Variants in HHAT observed in about 807,000 individuals in gnomAD.
HHAT encodes the protein hedgehog acyltransferase.
In HHAT, 47 loss-of-function variants were observed where a neutral mutation model predicts 70.8. The ratio of observed to expected loss-of-function variants is 0.66; its 90% CI spans 0.53 to 0.85. HHAT has a LOEUF of 0.85. Among genes scored for constraint, HHAT ranks in the 40% least tolerant of loss-of-function variants. HHAT has a pLI of 0.00. For missense variants in HHAT, 609 were observed against 604.8 expected (o/e 1.01, Z -0.07); for synonymous variants, 228 against 247.6 (o/e 0.92, Z 0.74).
intron 8 of HHAT, among the ~76,000 whole-genome samples, chr1:210,481,487 TG>T (rs1306118024): frequency 6.6e-6 from 1 of 152,108 alleles, no homozygotes; most frequent in African/African-American, 2.4e-5. Flanking sequence ...TTACTGTGCT[TG>T]GGGGTCACTT....
At chr1:210,477,719 G>A (rs560516450) in intron 8 of HHAT, among the ~76,000 whole-genome samples, 138 of 152,266 alleles carry the variant, frequency 9.1e-4, no homozygotes, top group Admixed American at 1.4e-3. Context: ...TATCCTACAG[G>A]TGGCGCCTGG....
At chr1:210,539,240 C>CA (rs377158339) in intron 9 of HHAT, among the ~76,000 whole-genome samples, 4 of 151,908 alleles carry the variant, frequency 2.6e-5, no homozygotes, top group Admixed American at 1.3e-4. Context: ...TACCTCAGGC[C>CA]AAAAAAACAG....
intron 9 of HHAT, among the ~76,000 whole-genome samples, chr1:210,572,273 G>A (rs1243566277): frequency 1.3e-5 from 2 of 152,110 alleles, no homozygotes; most frequent in Admixed American, 6.5e-5. Context: ...ATTTCAGTCC[G>A]GAGAGGGAGC....
chr1:210,335,131 A>G (rs893382300), intron 1 of HHAT, among the ~76,000 whole-genome samples: 2 of 152,222 alleles, frequency 1.3e-5, no homozygotes, highest in East Asian at 1.9e-4. Flanking sequence ...AGACAGACAC[A>G]TAAGTCTTAA....
At chr1:210,561,236 G>C (rs183238769) in intron 9 of HHAT, among the ~76,000 whole-genome samples, 1 of 152,292 alleles carries the variant, frequency 6.6e-6, no homozygotes, top group Non-Finnish European at 1.5e-5. Flanking sequence ...TCATCATAAA[G>C]AGTCTGTAGG....
intron 3 of HHAT, among the ~76,000 whole-genome samples, chr1:210,369,009 C>T (rs183943801): frequency 2.1e-3 from 322 of 151,718 alleles, no homozygotes; most frequent in African/African-American, 7.3e-3. Flanking sequence ...ACCCGGGAGG[C>T]GGAGGTTGCA....
rs1017387804 is a variant in HHAT, at chr1:210,404,664, G to A, written c.669G>A (p.Ser223=). Reference sequence around the variant, plus strand: ...ACAATGGGCCCATCCTCAGCTTCTCGGAGTTCATCAAACAGGTAGAGCCCG... The same window carrying A: ...ACAATGGGCCCATCCTCAGCTTCTCAGAGTTCATCAAACAGGTAGAGCCCG... ...VLHNGPILSF[S]EFIKQMQQQE... The change falls in exon 6 of 12, where the codon TCG becomes TCA. Residue 223 remains serine, a synonymous_variant. Coordinates refer to ENST00000261458, the MANE Select transcript of HHAT (RefSeq NM_018194.6). 16 of 1,613,646 alleles carry A rather than the reference G, an allele frequency of 9.9e-6. No individual in the cohort carries two copies. The highest frequency in any genetic ancestry group is 1.3e-5 in the Non-Finnish European group (15 of 1,179,768).
intron 6 of HHAT, among the ~76,000 whole-genome samples, chr1:210,413,756 C>T (rs974158600): frequency 6.6e-5 from 10 of 152,200 alleles, no homozygotes; most frequent in African/African-American, 2.4e-4. Flanking sequence ...ATGCACATTT[C>T]CACCAACATT....
At chr1:210,353,286 G>T (rs749514850) in intron 2 of HHAT, among the ~76,000 whole-genome samples, 7 of 152,190 alleles carry the variant, frequency 4.6e-5, no homozygotes, top group East Asian at 1.9e-4. Flanking sequence ...GCATCAGAAG[G>T]CTTGTGTGAT....
rs141459583 is a variant in HHAT, at chr1:210,338,145, A to C, written c.-44+9041A>C. ...GAAGATCACTTGAGTCCAGGAGTTC[A>C]AGACCAGCCTGGGCAACATAGTGAG... On this transcript the variant is annotated intron_variant, in intron 1 of 11. Coordinates refer to ENST00000261458, the MANE Select transcript of HHAT (RefSeq NM_018194.6). Among the ~76,000 whole-genome samples the C allele has an allele frequency of 4.3e-3, 645 of 151,582 alleles. 2 individuals are homozygous for C. Among genetic ancestry groups the C allele is most frequent in the Middle Eastern group, 0.017 (5 of 294 alleles).
chr1:210,472,634 C>A (rs1262343482), intron 8 of HHAT, among the ~76,000 whole-genome samples: 1 of 152,144 alleles, frequency 6.6e-6, no homozygotes, highest in African/African-American at 2.4e-5. Flanking sequence ...AAAATAAACT[C>A]TGTAAAATAT....
chr1:210,495,173 A>AG (rs2094615888), intron 8 of HHAT, among the ~76,000 whole-genome samples: 1 of 152,030 alleles, frequency 6.6e-6, no homozygotes, highest in Non-Finnish European at 1.5e-5. Flanking sequence ...AAAATCAAGG[A>AG]GGATATCTAT....
At chr1:210,446,269 C>T (rs184332278) in intron 7 of HHAT, among the ~76,000 whole-genome samples, 25 of 152,174 alleles carry the variant, frequency 1.6e-4, no homozygotes, top group African/African-American at 5.8e-4. Flanking sequence ...ATGAACCTAC[C>T]GCTTATATAT....
intron 10 of HHAT, among the ~76,000 whole-genome samples, chr1:210,621,396 G>A (rs1240334204): frequency 2.6e-5 from 4 of 152,028 alleles, no homozygotes; most frequent in African/African-American, 9.7e-5. Context: ...GTTAGTAACC[G>A]CAGTATCTGG....
Position 210,329,285 on chromosome 1 carries a change from G to A in HHAT, c.-44+181G>A, listed in dbSNP as rs1049618725. On this transcript the variant is annotated intron_variant, in intron 1 of 11. Coordinates refer to ENST00000261458, the MANE Select transcript of HHAT (RefSeq NM_018194.6). ...GTCGGGCGAAGAAGACAAAAGCGGC[G>A]GGGGCCGCGCGCGCAGTGCGCCCGG... 11 of 1,225,896 alleles carry A rather than the reference G, an allele frequency of 9.0e-6. No individual in the cohort carries two copies. In the South Asian group the frequency reaches 2.8e-4, roughly 31 times the overall value. The allele number at this position is 1,225,896 out of a possible 1,614,324, so 75.9% of individuals were successfully genotyped here. A position where few individuals can be genotyped will look rare whatever the true frequency, so the allele number is the denominator to read the frequency against.
chr1:210,622,476 G>T (rs1043360542), intron 10 of HHAT, among the ~76,000 whole-genome samples: 1 of 152,154 alleles, frequency 6.6e-6, no homozygotes, highest in African/African-American at 2.4e-5. Flanking sequence ...ACTCAGAGGG[G>T]CTCCCAGAAC....
intron 11 of HHAT, among the ~76,000 whole-genome samples, chr1:210,634,906 A>G (rs955087768): frequency 1.9e-4 from 29 of 152,238 alleles, no homozygotes; most frequent in African/African-American, 7.0e-4. Flanking sequence ...GGCAGGAGAA[A>G]GAGGGACAGT....
At chr1:210,557,559 T>G (rs745500723) in intron 9 of HHAT, among the ~76,000 whole-genome samples, 1 of 152,214 alleles carries the variant, frequency 6.6e-6, no homozygotes, top group Non-Finnish European at 1.5e-5. Flanking sequence ...GAGGTGTAAT[T>G]GGACTTACAG....
At chr1:210,555,273 A>T (rs1227419585) in intron 9 of HHAT, among the ~76,000 whole-genome samples, 2 of 152,168 alleles carry the variant, frequency 1.3e-5, no homozygotes, top group African/African-American at 4.8e-5. Context: ...AGTTCTACTC[A>T]CCCTGACCCC....
Sources: gnomAD v4.1 joint callset for allele counts (sites outside exome capture counted in the v4.1 genomes callset) on GRCh38, gnomAD v4.1.1 for gene constraint, MANE v1.5 for transcripts, NCBI Gene and HGNC (gene_info 2026-07-23, HGNC 2026-07-21) for gene names.